MYLK4: variants seen among roughly 807,000 people sequenced by gnomAD.
The protein encoded by MYLK4 is myosin light chain kinase family member 4, also known as caMLCK like.
A neutral mutation model predicts 48.1 loss-of-function variants in MYLK4; 46 were observed. The observed-to-expected ratio is 0.96, with a 90% confidence interval of 0.75 to 1.22. The LOEUF is 1.22. Among genes scored for constraint, MYLK4 ranks in the 50% most tolerant of loss-of-function variants. MYLK4 has a pLI of 0.00. For synonymous variants in MYLK4, 170 were observed against 180.8 expected (o/e 0.94, Z 0.48); for missense variants, 451 against 486.1 (o/e 0.93, Z 0.68).
chr6:2,681,259 C>T (rs1761288683), intron 7 of MYLK4, among the ~76,000 whole-genome samples: 1 of 152,098 alleles, frequency 6.6e-6, no homozygotes, highest in Admixed American at 6.5e-5. Flanking sequence ...GAAGAGGTTC[C>T]AATGAGATCA....
intron 2 of MYLK4, among the ~76,000 whole-genome samples, chr6:2,732,632 G>A (rs941227661): frequency 6.6e-6 from 1 of 152,010 alleles, no homozygotes; most frequent in Non-Finnish European, 1.5e-5. Context: ...ACATCACACT[G>A]TGCCTATCAT....
chr6:2,680,180 C>T (rs1761237696), intron 8 of MYLK4, 41 bp downstream of exon 8: 1 of 1,601,682 alleles, frequency 6.2e-7, no homozygotes, highest in African/African-American at 1.3e-5. Flanking sequence ...ACCATCATGT[C>T]CCCCAGCTCC....
At chr6:2,725,551 G>GA (rs1554131490) in intron 2 of MYLK4, among the ~76,000 whole-genome samples, 31 of 124,746 alleles carry the variant, frequency 2.5e-4, no homozygotes, top group Admixed American at 6.6e-4. Context: ...AAGAAACAAA[G>GA]AAACAAAGAA....
chr6:2,757,525 A>G, the MYLK4 span, among the ~76,000 whole-genome samples: 3 of 152,182 alleles, frequency 2.0e-5, no homozygotes, highest in African/African-American at 7.2e-5. Context: ...ATCTCTGAAG[A>G]TATCATCATA....
chr6:2,674,242 G>A (rs1761000716), intron 11 of MYLK4, among the ~76,000 whole-genome samples: 1 of 152,224 alleles, frequency 6.6e-6, no homozygotes, highest in African/African-American at 2.4e-5. Context: ...TACTCAGTCT[G>A]TAGTCTAAGA....
intron 2 of MYLK4, among the ~76,000 whole-genome samples, chr6:2,739,459 C>T (rs1428357098): frequency 6.6e-6 from 1 of 152,158 alleles, no homozygotes; most frequent in Non-Finnish European, 1.5e-5. Flanking sequence ...GCATTAAGGT[C>T]CCTAATCTTT....
chr6:2,680,892 C>T (rs947266703), intron 7 of MYLK4, among the ~76,000 whole-genome samples: 1 of 152,108 alleles, frequency 6.6e-6, no homozygotes, highest in African/African-American at 2.4e-5. Context: ...TGCCTAAAAC[C>T]CCTGACTAAG....
At chr6:2,679,486 G>A in intron 8 of MYLK4, 78 bp from the exon 9 acceptor site, 1 of 1,544,214 alleles carries the variant, frequency 6.5e-7, no homozygotes, top group South Asian at 1.1e-5. Flanking sequence ...TAGTCTATGA[G>A]ACAAAATGAC....
chr6:2,749,103 A>T, intron 2 of MYLK4, 33 bp downstream of exon 2: 1 of 1,587,364 alleles, frequency 6.3e-7, no homozygotes, highest in Non-Finnish European at 8.6e-7. Flanking sequence ...TAGAATGAAT[A>T]CTTTTTAGGA....
At position 2,675,107 on chromosome 6, in the gene MYLK4, G is replaced by A. The variant is rs756168376; in HGVS notation, c.1059C>T (p.Ser353=). The change falls in exon 11 of 13, where the codon AGC becomes AGT. Residue 353 remains serine (S), a synonymous_variant. Transcript: ENST00000274643. ...ACAACCAGGGGTGCTTGAGAGCTTC[G>A]CTTGCACTTATTCGCCAACTAGAAG... ...IKEKSWRISA[S]EALKHPWLSD... The A allele has an allele frequency of 2.9e-5, 46 of 1,613,744 alleles. No individual in the cohort carries two copies. The South Asian group carries it at 3.2e-4, about 11-fold the overall frequency.
chr6:2,750,473 T>G (rs1764257468), intron 1 of MYLK4, among the ~76,000 whole-genome samples: 1 of 152,140 alleles, frequency 6.6e-6, no homozygotes, highest in South Asian at 2.1e-4. Flanking sequence ...ATTATTAAAA[T>G]AAGGAAACAA....
chr6:2,686,306 G>A (rs1028901444), intron 4 of MYLK4, among the ~76,000 whole-genome samples: 2 of 152,188 alleles, frequency 1.3e-5, no homozygotes, highest in African/African-American at 4.8e-5. Flanking sequence ...ATATGAACAA[G>A]AGAGCCCACC....
At position 2,670,739 on chromosome 6, in the gene MYLK4, G is replaced by T. The variant is rs563534412; in HGVS notation, c.*25+537C>A. Among the ~76,000 whole-genome samples the T allele has an allele frequency of 6.9e-4, 105 of 152,264 alleles. 3 individuals are homozygous for T. The highest frequency in any genetic ancestry group is 4.6e-4 in the Non-Finnish European group (31 of 68,024). ...TGGTATTCTTTGGGCTCGTAGAGCA[G>T]GCCAAGATCAGGAAGCAGCTCAGGG... On this transcript the variant is annotated intron_variant, in intron 12 of 12. Transcript: ENST00000274643.
chr6:2,679,411 G>T lies in MYLK4; in HGVS notation c.759-3C>A. The T allele has an allele frequency of 1.2e-6, 2 of 1,614,132 alleles. No homozygotes were observed. ...TCAGCTTCTCTCTGGGTTTGTATCT[G>T]CAATTTAAGAGACAAAGTGGAAGGA... On this transcript the variant is annotated splice_polypyrimidine_tract_variant and splice_region_variant and intron_variant, in intron 8 of 12. Coordinates refer to ENST00000274643, the MANE Select transcript of MYLK4 (RefSeq NM_001012418.5).
rs1761657784 is a variant in MYLK4 at position 2,688,701 on chromosome 6, T to C, written c.341+150A>G. 4 of 668,580 alleles carry C rather than the reference T, an allele frequency of 6.0e-6. No individual in the cohort carries two copies. In the East Asian group the frequency reaches 1.0e-4, roughly 17 times the overall value. 41.4% of individuals were successfully genotyped at this position (668,580 alleles called of 1,614,324 possible). On this transcript the variant is annotated intron_variant, in intron 4 of 12. Coordinates refer to ENST00000274643, the MANE Select transcript of MYLK4 (RefSeq NM_001012418.5). ...AGTCACCACATTAACCTTTCTGGCA[T>C]CAGTGACAATTTTCAGAAATGGTTA...
At chr6:2,756,458 C>T in the MYLK4 span, among the ~76,000 whole-genome samples, 1 of 152,166 alleles carries the variant, frequency 6.6e-6, no homozygotes, top group Non-Finnish European at 1.5e-5. Flanking sequence ...AGGAGCCCTC[C>T]TTCCTCTTAG....
At chr6:2,765,928 C>G in the MYLK4 span, 1 of 1,450,768 alleles carries the variant, frequency 6.9e-7, no homozygotes, top group South Asian at 1.3e-5. Context: ...GCGACGACGG[C>G]GGCGAGACCG....
intron 2 of MYLK4, among the ~76,000 whole-genome samples, chr6:2,743,581 A>C (rs535491004): frequency 1.3e-5 from 2 of 152,180 alleles, no homozygotes; most frequent in South Asian, 2.1e-4. Flanking sequence ...CTTCTGTTTT[A>C]TTTTCTTTTC....
intron 2 of MYLK4, among the ~76,000 whole-genome samples, chr6:2,699,287 C>CTTTTTTTTTTTT (rs56959282): frequency 0.016 from 1,219 of 77,850 alleles, 27 homozygotes; most frequent in Middle Eastern, 0.018. Context: ...CTTTTCTTTT[C>CTTTTTTTTTTTT]TTTTTTTTTT....
Sources: gnomAD v4.1 joint callset for allele counts (sites outside exome capture counted in the v4.1 genomes callset) on GRCh38, gnomAD v4.1.1 for gene constraint, MANE v1.5 for transcripts, NCBI Gene and HGNC (gene_info 2026-07-23, HGNC 2026-07-21) for gene names.